Variants in SPTAN1 observed in about 807,000 individuals in gnomAD.
SPTAN1 encodes the protein spectrin alpha, non-erythrocytic 1.
SPTAN1 carries 61 observed loss-of-function variants against 331.3 expected under a neutral mutation model. The ratio of observed to expected loss-of-function variants is 0.18; its 90% CI spans 0.15 to 0.23. The LOEUF (loss-of-function observed/expected upper bound fraction) is 0.23, where lower values mean the gene tolerates loss of function less well. Ranked by LOEUF, SPTAN1 falls within the 10% of genes least tolerant of loss-of-function variation. The pLI is 1.00. For missense variants in SPTAN1, 2,043 were observed against 3,147.9 expected (o/e 0.65, Z 8.40); for synonymous variants, 1,153 against 1,173.9 (o/e 0.98, Z 0.36).
At chr9:128,612,326 C>T in intron 39 of SPTAN1, 80 bp downstream of exon 39, 1 of 1,581,472 alleles carries the variant, frequency 6.3e-7, no homozygotes, top group African/African-American at 1.3e-5. Context: ...TGCCCAAAAC[C>T]ACGAAAAGGC....
At position 128,586,448 on chromosome 9, in the gene SPTAN1, A is replaced by C. The variant is rs145636327; in HGVS notation, c.2778+483A>C. Among the ~76,000 whole-genome samples the C allele has an allele frequency of 3.9e-4, 59 of 152,132 alleles. 2 individuals carry two copies. The East Asian group carries it at 4.3e-3, about 11-fold the overall frequency. ...CCTTCTGGCCCATTTTTCACTTTTT[A>C]TTATGAAAATGTAATCATACCTAAA... On this transcript the variant is annotated intron_variant, in intron 19 of 56. Transcript: ENST00000372739.
At chr9:128,613,333 G>C (rs1856777056) in intron 39 of SPTAN1, 48 bp from the exon 40 acceptor site, 1 of 1,529,970 alleles carries the variant, frequency 6.5e-7, no homozygotes, top group Non-Finnish European at 9.1e-7. Flanking sequence ...CCAGAATGCT[G>C]AGTATACACC....
chr9:128,625,021 G>GT lies in SPTAN1; in HGVS notation c.5993-79dup. 3 of 1,351,688 alleles carry GT rather than the reference G, an allele frequency of 2.2e-6. No homozygotes were observed. Among genetic ancestry groups the GT allele is most frequent in the Non-Finnish European group, 3.2e-6 (3 of 942,652 alleles). 83.7% of individuals were successfully genotyped at this position (1,351,688 alleles called of 1,614,324 possible). On this transcript the variant is annotated intron_variant, in intron 46 of 56. Coordinates refer to ENST00000372739, the MANE Select transcript of SPTAN1 (RefSeq NM_001130438.3). This position sits in a 1 kb window ranked among gnomAD's most constrained non-coding sequence, Gnocchi z 4.1. ...GGGATTTATCTGTACACAAAAAATG[G>GT]TTTGTCTGGGTTTTGATGTTTTTCC...
Position 128,591,530 on chromosome 9 carries a change from C to T in SPTAN1, c.3060C>T (p.Tyr1020=), listed in dbSNP as rs530361602. The T allele has an allele frequency of 1.1e-5, 18 of 1,614,118 alleles. No individual in the cohort carries two copies. Among genetic ancestry groups the T allele is most frequent in the South Asian group, 1.1e-4 (10 of 91,074 alleles). Reference sequence around the variant, plus strand: ...GTCAGGGTTTTGTGCCGGCTGCGTACGTGAAGAAATTGGACCCCGCCCAGT... The same window carrying T: ...GTCAGGGTTTTGTGCCGGCTGCGTATGTGAAGAAATTGGACCCCGCCCAGT... ...NDRQGFVPAA[Y]VKKLDPAQSA... The change falls in exon 22 of 57, where the codon TAC becomes TAT. Residue 1020 remains tyrosine (Y), a synonymous_variant. Coordinates refer to ENST00000372739, the MANE Select transcript of SPTAN1 (RefSeq NM_001130438.3).
chr9:128,632,986 G>A lies in SPTAN1; in HGVS notation c.7308+31G>A, dbSNP rs776512074. On this transcript the variant is annotated intron_variant, in intron 56 of 56. Coordinates refer to ENST00000372739, the MANE Select transcript of SPTAN1 (RefSeq NM_001130438.3). Reference sequence around the variant, plus strand: ...GGCCTCAGGAGGTGGGTGAAGAGGTGTCCTTTGGAAAACTAAAGCCAAATT... The same window carrying A: ...GGCCTCAGGAGGTGGGTGAAGAGGTATCCTTTGGAAAACTAAAGCCAAATT... 4.4e-6 allele frequency: 7 copies of A among 1,607,792 alleles called. No individual in the cohort carries two copies. In the East Asian group the frequency reaches 8.9e-5, roughly 20 times the overall value.
intron 1 of SPTAN1, among the ~76,000 whole-genome samples, chr9:128,557,360 G>A (rs1254922582): frequency 6.6e-6 from 1 of 152,026 alleles, no homozygotes; most frequent in Non-Finnish European, 1.5e-5. Flanking sequence ...TCTCTTTTGG[G>A]ATTCCATAGA....
At position 128,598,945 on chromosome 9, in the gene SPTAN1, TTC is replaced by T. The variant is rs770557345; in HGVS notation, c.3520-9_3520-8del. On this transcript the variant is annotated splice_polypyrimidine_tract_variant and intron_variant, in intron 25 of 56. Transcript: ENST00000372739. ...TATTTCTTCTAATAATAAAACTGGT[TTC>T]TCTCTCTCCTTGTAGGAAGTGTATG... 7.4e-6 allele frequency: 12 copies of T among 1,612,328 alleles called. No homozygotes were observed. Among genetic ancestry groups the T allele is most frequent in the Non-Finnish European group, 9.3e-6 (11 of 1,178,476 alleles).
intron 1 of SPTAN1, among the ~76,000 whole-genome samples, chr9:128,559,264 T>TA (rs1849004792): frequency 6.6e-6 from 1 of 152,200 alleles, no homozygotes; most frequent in South Asian, 2.1e-4. Context: ...TTAGGTTGGT[T>TA]AATTTCAGCA....
At chr9:128,569,798 G>A (rs964050201) in intron 3 of SPTAN1, among the ~76,000 whole-genome samples, 5 of 152,006 alleles carry the variant, frequency 3.3e-5, no homozygotes, top group Admixed American at 1.3e-4. Context: ...TGGAGGTTTC[G>A]TTCACTGAGG....
intron 16 of SPTAN1, 70 bp from the exon 17 acceptor site, chr9:128,584,212 A>T (rs1417866069): frequency 3.1e-6 from 5 of 1,609,764 alleles, no homozygotes; most frequent in Middle Eastern, 1.7e-4. Context: ...AAAAGACCTT[A>T]TCAATTTTTC....
Position 128,598,530 on chromosome 9 carries a change from G to T in SPTAN1, c.3519+26G>T, listed in dbSNP as rs370233387. The T allele has an allele frequency of 1.3e-4, 205 of 1,530,604 alleles. No individual in the cohort carries two copies. In the African/African-American group the frequency reaches 2.5e-3, roughly 19 times the overall value. The allele number at this position is 1,530,604 out of a possible 1,614,324, so 94.8% of individuals were successfully genotyped here. A position where few individuals can be genotyped will look rare whatever the true frequency, so the allele number is the denominator to read the frequency against. ...GTAGGTGTCTCCATCTTGGAGTGAG[G>T]CTCTGTTGCTGTAAGGATGCAGCTT... On this transcript the variant is annotated intron_variant, in intron 25 of 56. Coordinates refer to ENST00000372739, the MANE Select transcript of SPTAN1 (RefSeq NM_001130438.3).
chr9:128,585,621 T>C, intron 18 of SPTAN1, 127 bp from the exon 19 acceptor site: 1 of 818,008 alleles, frequency 1.2e-6, no homozygotes, highest in Non-Finnish European at 2.0e-6. Context: ...AATGGAATTA[T>C]GAAAGGGCAC....
At chr9:128,593,101 C>A in intron 23 of SPTAN1, 59 bp downstream of exon 23, 1 of 1,538,954 alleles carries the variant, frequency 6.5e-7, no homozygotes, top group Non-Finnish European at 8.9e-7. Context: ...ATCCATTCTC[C>A]CTCTGCCGCT....
intron 34 of SPTAN1, 72 bp downstream of exon 34, chr9:128,608,348 T>C: frequency 2.5e-6 from 4 of 1,585,060 alleles, no homozygotes; most frequent in Non-Finnish European, 3.5e-6. Context: ...GCTTATATAG[T>C]CACTGTTATA....
intron 3 of SPTAN1, 40 bp downstream of exon 3, chr9:128,568,937 G>T: frequency 6.2e-7 from 1 of 1,613,086 alleles, no homozygotes; most frequent in South Asian, 1.1e-5. Flanking sequence ...GCTTCATCTG[G>T]GTGGAGCATT....
At chr9:128,609,091 C>G in intron 35 of SPTAN1, 31 bp from the exon 36 acceptor site, 1 of 1,614,194 alleles carries the variant, frequency 6.2e-7, no homozygotes. Context: ...AAGATATGCT[C>G]ATGTTGGATC....
In SPTAN1 at chr9:128,602,653, C is replaced by T. The variant is rs542762132; in HGVS notation, c.3580-890C>T. 3.3e-4 allele frequency among the ~76,000 whole-genome samples: 50 copies of T among 151,000 alleles called. No individual in the cohort carries two copies. In the South Asian group the frequency reaches 4.4e-3, roughly 13 times the overall value. ...TATTTGTATTTTATTTATTTATTTT[C>T]GAGTCGGAGTCTTGCTCCGTTGCCC... On this transcript the variant is annotated intron_variant, in intron 27 of 56. Transcript: ENST00000372739.
intron 52 of SPTAN1, 91 bp from the exon 53 acceptor site, chr9:128,632,036 G>A (rs1032099528): frequency 7.2e-7 from 1 of 1,387,506 alleles, no homozygotes; most frequent in Non-Finnish European, 1.0e-6. Context: ...GGCCAGGCCT[G>A]GAGCAGGAAC....
intron 52 of SPTAN1, 187 bp downstream of exon 52, chr9:128,630,562 C>A (rs1334504253): frequency 3.2e-5 from 19 of 599,166 alleles, no homozygotes; most frequent in Non-Finnish European, 5.1e-5. Context: ...CATGGAATCT[C>A]TCTCTCGCCC....
Sources: allele counts gnomAD v4.1 joint callset (sites outside exome capture counted in the v4.1 genomes callset), GRCh38; gene constraint gnomAD v4.1.1; non-coding constraint Gnocchi (gnomAD v3.1); transcripts MANE v1.5; gene names NCBI Gene and HGNC (gene_info 2026-07-23, HGNC 2026-07-21).